PRDM1: variants seen among roughly 807,000 people sequenced by gnomAD.
PRDM1 encodes the protein PR/SET domain 1.
A neutral mutation model predicts 62.8 loss-of-function variants in PRDM1; 13 were observed. The ratio of observed to expected loss-of-function variants is 0.21; its 90% CI spans 0.13 to 0.33. The LOEUF is 0.33. Among genes scored for constraint, PRDM1 ranks in the 10% least tolerant of loss-of-function variants. The pLI, the probability that PRDM1 is intolerant of heterozygous loss-of-function variation, is 1.00. For synonymous variants in PRDM1, 396 were observed against 417.6 expected, an observed-to-expected ratio of 0.95 and a Z score of 0.63; for missense variants, 895 against 1,058.8, an observed-to-expected ratio of 0.85 and a Z score of 2.15.
At chr6:106,091,982 G>A (rs573208910) in intron 2 of PRDM1, among the ~76,000 whole-genome samples, 6 of 152,016 alleles carry the variant, frequency 3.9e-5, no homozygotes, top group African/African-American at 7.2e-5. Flanking sequence ...AGTGGGATTC[G>A]GGGAGGGAAA....
chr6:105,997,469 TA>T (rs1464508889), intron 1 of PRDM1, among the ~76,000 whole-genome samples: 1 of 152,328 alleles, frequency 6.6e-6, no homozygotes, highest in Non-Finnish European at 1.5e-5. Context: ...GTCCTTTCTT[TA>T]AAAAAATTGT....
At chr6:106,004,591 A>G (rs1487926177) in intron 1 of PRDM1, among the ~76,000 whole-genome samples, 3 of 152,328 alleles carry the variant, frequency 2.0e-5, no homozygotes, top group African/African-American at 7.2e-5. Context: ...AAGATAATTT[A>G]TCTGATAAAA....
intron 2 of PRDM1, 105 bp from the exon 3 acceptor site, chr6:106,095,510 C>T (rs1451583188): frequency 1.5e-6 from 2 of 1,292,432 alleles, no homozygotes; most frequent in Non-Finnish European, 1.1e-6. Context: ...AAAATTTTAT[C>T]ATTGTTAGTT....
At chr6:106,098,484 C>G in intron 3 of PRDM1, 1 of 1,189,572 alleles carries the variant, frequency 8.4e-7, no homozygotes, top group Non-Finnish European at 1.1e-6. Context: ...TCTTCCTGTT[C>G]TTTTTCCAAA....
At chr6:106,098,292 A>G (rs145998237) in intron 3 of PRDM1, 5 of 985,144 alleles carry the variant, frequency 5.1e-6, no homozygotes, top group African/African-American at 3.5e-5. Context: ...GAAGAGAGAA[A>G]ACTTTGTGTG....
At chr6:105,999,329 G>A (rs1772399873) in intron 1 of PRDM1, among the ~76,000 whole-genome samples, 1 of 151,726 alleles carries the variant, frequency 6.6e-6, no homozygotes, top group Non-Finnish European at 1.5e-5. Context: ...GGCAAGGTGG[G>A]AGGATCACTT....
intron 1 of PRDM1, among the ~76,000 whole-genome samples, chr6:106,071,205 G>A (rs570734309): frequency 3.7e-4 from 56 of 152,120 alleles, no homozygotes; most frequent in Admixed American, 2.2e-3. Flanking sequence ...CCTGAGAAGG[G>A]GAGGTTGCAG....
intron 1 of PRDM1, among the ~76,000 whole-genome samples, chr6:106,072,679 C>T (rs1773537822): frequency 6.6e-6 from 1 of 152,230 alleles, no homozygotes; most frequent in Non-Finnish European, 1.5e-5. Context: ...GTCTGCGGTG[C>T]CCCTTGTGTT....
At chr6:106,031,134 T>C (rs980259185) in intron 1 of PRDM1, among the ~76,000 whole-genome samples, 1 of 152,162 alleles carries the variant, frequency 6.6e-6, no homozygotes, top group African/African-American at 2.4e-5. Flanking sequence ...GGTAAGTTTA[T>C]TGGGAAACTT....
At chr6:106,019,784 C>T (rs969155120) in intron 1 of PRDM1, among the ~76,000 whole-genome samples, 6 of 151,568 alleles carry the variant, frequency 4.0e-5, no homozygotes, top group South Asian at 2.1e-4. Context: ...GGAATACAGG[C>T]GCCCGCCACC....
chr6:106,080,380 A>C (rs1341737678), intron 1 of PRDM1, among the ~76,000 whole-genome samples: 1 of 152,132 alleles, frequency 6.6e-6, no homozygotes, highest in African/African-American at 2.4e-5. Context: ...AGAGTCATTG[A>C]TTTGGACTCA....
chr6:106,106,621 G>A lies in PRDM1; in HGVS notation c.1902+122G>A. ...CCAGATTCTGCGTTGTCCCATCCTG[G>A]ACTGATGGCACTATGGTCCTTCCCA... is the stretch of plus-strand genomic sequence containing the variant. On this transcript the variant is annotated intron_variant, in intron 6 of 6. Transcript: ENST00000369096. The surrounding 1 kb of genome is among the most constrained non-coding windows in gnomAD (Gnocchi z 4.4). 1 of 1,363,538 alleles carries A rather than the reference G, an allele frequency of 7.3e-7. No individual in the cohort carries two copies. The highest frequency in any genetic ancestry group is 1.0e-6 in the Non-Finnish European group (1 of 1,001,034). 84.5% of individuals were successfully genotyped at this position (1,363,538 alleles called of 1,614,324 possible). A position where few individuals can be genotyped will look rare whatever the true frequency, so the allele number is the denominator to read the frequency against.
chr6:106,094,300 T>A (rs1430688744), intron 2 of PRDM1, among the ~76,000 whole-genome samples: 1 of 152,318 alleles, frequency 6.6e-6, no homozygotes, highest in Admixed American at 6.5e-5. Flanking sequence ...AGGTAGGCTA[T>A]CTTGAATGAG....
At chr6:106,061,013 G>A (rs888626189) in intron 1 of PRDM1, among the ~76,000 whole-genome samples, 8 of 152,186 alleles carry the variant, frequency 5.3e-5, no homozygotes, top group African/African-American at 1.7e-4. Context: ...TTGGGATTGG[G>A]GGAAATGATC....
intron 1 of PRDM1, among the ~76,000 whole-genome samples, chr6:106,016,459 G>A (rs1245369610): frequency 1.3e-5 from 2 of 152,026 alleles, no homozygotes; most frequent in African/African-American, 2.4e-5. Flanking sequence ...CTCGCACCCT[G>A]GGTACCCGCA....
At chr6:106,088,548 C>A in intron 2 of PRDM1, 99 bp downstream of exon 2, 1 of 1,315,774 alleles carries the variant, frequency 7.6e-7, no homozygotes. Context: ...CTCTGAGAAT[C>A]TGTAAGTATC....
chr6:106,009,416 T>C (rs192145757), intron 1 of PRDM1, among the ~76,000 whole-genome samples: 1 of 152,302 alleles, frequency 6.6e-6, no homozygotes. Flanking sequence ...TTAAATTTAC[T>C]TGGGTTAGTA....
At position 106,107,677 on chromosome 6, in the gene PRDM1, C is replaced by CATATATAT. The variant is rs60217130; in HGVS notation, c.*206_*213dup. 38,696 of 197,038 alleles carry CATATATAT rather than the reference C, an allele frequency of 0.2. 4,585 individuals are homozygous for CATATATAT. Among genetic ancestry groups the CATATATAT allele is most frequent in the East Asian group, 0.27 (3,115 of 11,470 alleles). 12.2% of individuals were successfully genotyped at this position (197,038 alleles called of 1,614,324 possible). On this transcript the variant is annotated 3_prime_UTR_variant, in exon 7 of 7. Coordinates refer to ENST00000369096, the MANE Select transcript of PRDM1 (RefSeq NM_001198.4). ...CTCAGGGCATGAACAAGGCAAAGGCCATATATATATATATATATATATCTG... is the reference window on the plus strand; with the variant it reads ...CTCAGGGCATGAACAAGGCAAAGGCCATATATATATATATATATATATATATATATCTG...
rs952817666 is a variant in PRDM1, at chr6:106,108,326, C to T, written c.*840C>T. On this transcript the variant is annotated 3_prime_UTR_variant, in exon 7 of 7. Coordinates refer to ENST00000369096, the MANE Select transcript of PRDM1 (RefSeq NM_001198.4). ...AGCAGAATCCTCCCACCGCCCTGCC[C>T]TCCCCACCGAGTCCTGTGGCCATTC... is the stretch of plus-strand genomic sequence containing the variant. 3 of 233,538 alleles carry T rather than the reference C, an allele frequency of 1.3e-5. No homozygotes were observed. Among genetic ancestry groups the T allele is most frequent in the Non-Finnish European group, 2.5e-5 (3 of 118,014 alleles). 14.5% of individuals were successfully genotyped at this position (233,538 alleles called of 1,614,324 possible). A position where few individuals can be genotyped will look rare whatever the true frequency, so the allele number is the denominator to read the frequency against.
Sources: allele counts gnomAD v4.1 joint callset (sites outside exome capture counted in the v4.1 genomes callset), GRCh38; gene constraint gnomAD v4.1.1; non-coding constraint Gnocchi (gnomAD v3.1); transcripts MANE v1.5; gene names NCBI Gene and HGNC (gene_info 2026-07-23, HGNC 2026-07-21).